The following DGKB variants were observed in gnomAD, a reference collection of about 807,000 sequenced individuals.
The protein encoded by DGKB is 90 kDa diacylglycerol kinase.
Under a neutral mutation model 114.3 loss-of-function variants are expected in DGKB, and 67 were observed. That is an observed-to-expected ratio of 0.59 (90% CI 0.48 to 0.72). The LOEUF (loss-of-function observed/expected upper bound fraction) is 0.72. DGKB is among the 30% of genes least tolerant of loss of function. The probability of loss-of-function intolerance (pLI) is 0.00; values close to 1 mark genes in which losing one functional copy is unlikely to be tolerated. For missense variants in DGKB, 907 were observed against 975.2 expected, an observed-to-expected ratio of 0.93 and a Z score of 0.93; for synonymous variants, 398 against 323.1, an observed-to-expected ratio of 1.23 and a Z score of -2.49.
At chr7:14,685,572 A>G (rs572245918) in intron 9 of DGKB, among the ~76,000 whole-genome samples, 1 of 152,298 alleles carries the variant, frequency 6.6e-6, no homozygotes, top group East Asian at 1.9e-4. Context: ...ATGCTATAGC[A>G]ACCCACAAAT....
intron 21 of DGKB, among the ~76,000 whole-genome samples, chr7:14,443,787 G>C (rs1037830965): frequency 6.6e-6 from 1 of 151,920 alleles, no homozygotes; most frequent in African/African-American, 2.4e-5. Context: ...GTGTGATTCT[G>C]CATAGGATTT....
chr7:14,425,618 AC>A (rs1827396371), intron 21 of DGKB, among the ~76,000 whole-genome samples: 1 of 152,176 alleles, frequency 6.6e-6, no homozygotes, highest in African/African-American at 2.4e-5. Context: ...ACATAAAGTG[AC>A]TGAAATAGAG....
chr7:14,927,672 T>TCAATTA (rs1261881986), intron 1 of DGKB, among the ~76,000 whole-genome samples: 2 of 152,046 alleles, frequency 1.3e-5, no homozygotes, highest in Non-Finnish European at 2.9e-5. Flanking sequence ...TATACCTTTT[T>TCAATTA]CAATTACCAT....
intron 21 of DGKB, among the ~76,000 whole-genome samples, chr7:14,418,654 C>G (rs572298862): frequency 1.3e-4 from 19 of 151,830 alleles, no homozygotes; most frequent in Admixed American, 1.1e-3. Context: ...CAATCTTGGA[C>G]TATGTTGAAA....
At chr7:14,779,011 C>A (rs762950876) in intron 2 of DGKB, among the ~76,000 whole-genome samples, 5 of 152,040 alleles carry the variant, frequency 3.3e-5, no homozygotes, top group Non-Finnish European at 7.4e-5. Flanking sequence ...CACAAATTAG[C>A]TAGGCGTGGT....
intron 23 of DGKB, among the ~76,000 whole-genome samples, chr7:14,315,236 A>G (rs1169314471): frequency 1.0e-3 from 151 of 150,072 alleles, no homozygotes; most frequent in African/African-American, 3.5e-3. Flanking sequence ...AACGAGCAAA[A>G]TCACCAGCTA....
chr7:14,607,997 G>GA (rs1293148852), intron 16 of DGKB, among the ~76,000 whole-genome samples: 2 of 152,062 alleles, frequency 1.3e-5, no homozygotes, highest in East Asian at 3.9e-4. Flanking sequence ...TGTAAGCAAA[G>GA]AATGTAGCCT....
At chr7:14,280,664 G>C (rs1323426640) in intron 23 of DGKB, among the ~76,000 whole-genome samples, 12 of 151,006 alleles carry the variant, frequency 7.9e-5, no homozygotes, top group Admixed American at 1.3e-4. Flanking sequence ...CGGATCTCTC[G>C]GCAGAAACCC....
intron 21 of DGKB, among the ~76,000 whole-genome samples, chr7:14,376,680 TC>T (rs1048258507): frequency 6.6e-6 from 1 of 152,140 alleles, no homozygotes; most frequent in East Asian, 1.9e-4. Context: ...AAACCATGAC[TC>T]CCCCCAGCCC....
intron 21 of DGKB, among the ~76,000 whole-genome samples, chr7:14,360,317 G>T (rs1489606345): frequency 6.6e-6 from 1 of 152,004 alleles, no homozygotes; most frequent in African/African-American, 2.4e-5. Flanking sequence ...CTGTCGTGGG[G>T]TTGGGGGCTG....
At chr7:14,965,760 G>A (rs927332601) in intron 1 of DGKB, among the ~76,000 whole-genome samples, 2 of 151,914 alleles carry the variant, frequency 1.3e-5, no homozygotes, top group Admixed American at 1.3e-4. Flanking sequence ...TATTAAAAAA[G>A]AAGTCTCATT....
chr7:14,772,425 A>G (rs1043022010), intron 2 of DGKB, among the ~76,000 whole-genome samples: 2 of 152,160 alleles, frequency 1.3e-5, no homozygotes, highest in Non-Finnish European at 2.9e-5. Context: ...CACAAAACAG[A>G]TATGTTAATC....
intron 20 of DGKB, among the ~76,000 whole-genome samples, chr7:14,532,173 C>T (rs1212050792): frequency 4.0e-5 from 6 of 150,288 alleles, no homozygotes; most frequent in African/African-American, 1.5e-4. Flanking sequence ...AGATATAACA[C>T]CAAAAGAATA....
intron 21 of DGKB, among the ~76,000 whole-genome samples, chr7:14,473,239 G>A (rs1036186873): frequency 1.5e-4 from 23 of 152,178 alleles, no homozygotes; most frequent in African/African-American, 5.1e-4. Context: ...TTGGTGTCCT[G>A]TGTCCCAGCT....
intron 22 of DGKB, among the ~76,000 whole-genome samples, chr7:14,339,015 C>T (rs1811155653): frequency 6.6e-6 from 1 of 151,942 alleles, no homozygotes; most frequent in African/African-American, 2.4e-5. Context: ...ATTTAACCAG[C>T]TGCAAATTTC....
chr7:14,545,589 A>G (rs1051420411), intron 20 of DGKB, among the ~76,000 whole-genome samples: 1 of 152,206 alleles, frequency 6.6e-6, no homozygotes, highest in South Asian at 2.1e-4. Flanking sequence ...ACAAGTGACC[A>G]TGGAGCCCAG....
Position 14,490,203 on chromosome 7 carries a change from C to T in DGKB, c.1771-11978G>A, listed in dbSNP as rs189426375. ...AAAAATCAAGTTAAGGTAGCCAAAA[C>T]TTAAACCAGAATATATGTAACTATA... On this transcript the variant is annotated intron_variant, in intron 20 of 25. Transcript: ENST00000402815. Among the ~76,000 whole-genome samples the T allele has an allele frequency of 8.5e-4, 129 of 152,202 alleles. 1 individual carries two copies. The highest frequency in any genetic ancestry group is 3.0e-3 in the African/African-American group (123 of 41,546).
At chr7:14,692,204 C>G (rs1308830681) in intron 9 of DGKB, among the ~76,000 whole-genome samples, 1 of 151,958 alleles carries the variant, frequency 6.6e-6, no homozygotes, top group Non-Finnish European at 1.5e-5. Context: ...CAAAAAATCT[C>G]TTGTGACATT....
At chr7:14,177,950 C>T (rs978907845) in intron 24 of DGKB, 81 bp downstream of exon 24, 3 of 1,372,308 alleles carry the variant, frequency 2.2e-6, no homozygotes, top group Non-Finnish European at 2.9e-6. Flanking sequence ...GACAATGTTA[C>T]TATCAGAGTT....
Sources: gnomAD v4.1 joint callset for allele counts (sites outside exome capture counted in the v4.1 genomes callset) on GRCh38, gnomAD v4.1.1 for gene constraint, MANE v1.5 for transcripts, NCBI Gene and HGNC (gene_info 2026-07-23, HGNC 2026-07-21) for gene names.